MRPS28: variants seen among roughly 807,000 people sequenced by gnomAD.
MRPS28 encodes the protein mitochondrial ribosomal protein S28, also known as small ribosomal subunit protein bS1m.
A neutral mutation model predicts 10.8 loss-of-function variants in MRPS28; 7 were observed. The observed-to-expected ratio is 0.65, with a 90% CI of 0.37 to 1.22. MRPS28 has a LOEUF of 1.22. Among genes scored for constraint, MRPS28 ranks in the 50% most tolerant of loss-of-function variants. MRPS28 has a pLI of 0.02. For missense variants in MRPS28, 265 were observed against 232.9 expected (o/e 1.14, Z -0.90); for synonymous variants, 121 against 93.3 (o/e 1.30, Z -1.71).
At chr8:79,928,628 A>G (rs1285479505) in intron 2 of MRPS28, among the ~76,000 whole-genome samples, 1 of 151,756 alleles carries the variant, frequency 6.6e-6, no homozygotes, top group Non-Finnish European at 1.5e-5. Flanking sequence ...TTTAGTAGAG[A>G]TGAGGTTTCA....
intron 2 of MRPS28, among the ~76,000 whole-genome samples, chr8:79,921,277 T>C (rs528061168): frequency 1.5e-3 from 225 of 152,230 alleles, no homozygotes; most frequent in Non-Finnish European, 2.7e-3. Flanking sequence ...ATGTGGGCTC[T>C]TTTTTGGTTC....
chr8:80,004,048 C>G (rs952438133), intron 1 of MRPS28, among the ~76,000 whole-genome samples: 1 of 152,224 alleles, frequency 6.6e-6, no homozygotes, highest in African/African-American at 2.4e-5. Flanking sequence ...TCTGTAGACT[C>G]CACCTCTGGG....
At chr8:79,935,890 T>C (rs964155408) in intron 2 of MRPS28, among the ~76,000 whole-genome samples, 2 of 151,994 alleles carry the variant, frequency 1.3e-5, no homozygotes, top group Non-Finnish European at 2.9e-5. Context: ...GACAAAGAGA[T>C]GACTAGGAAT....
At chr8:79,981,237 G>C (rs1421171689) in intron 2 of MRPS28, among the ~76,000 whole-genome samples, 2 of 152,114 alleles carry the variant, frequency 1.3e-5, no homozygotes, top group African/African-American at 4.8e-5. Flanking sequence ...GGCTGAGGTG[G>C]GTGAATCGCT....
intron 2 of MRPS28, among the ~76,000 whole-genome samples, chr8:79,948,769 T>G (rs1806999541): frequency 6.6e-6 from 1 of 151,928 alleles, no homozygotes; most frequent in Non-Finnish European, 1.5e-5. Context: ...TACACTGATT[T>G]TTTTTCACAA....
chr8:79,949,145 G>T (rs942051692), intron 2 of MRPS28, among the ~76,000 whole-genome samples: 3 of 152,074 alleles, frequency 2.0e-5, no homozygotes, highest in African/African-American at 7.2e-5. Context: ...GCTCGGTGCC[G>T]TGGCTCACAC....
rs118179102 is a variant in MRPS28 at position 79,953,940 on chromosome 8, A to G, written c.396-34792T>C. Among the ~76,000 whole-genome samples, 1,511 of 152,354 alleles carry G rather than the reference A, an allele frequency of 9.9e-3. 12 individuals carry two copies. Among genetic ancestry groups the G allele is most frequent in the African/African-American group, 0.014 (596 of 41,570 alleles). ...ATTTTAAAATAGACAATAAACATGAAAAGTTCTCAACCTCAAGAAAATACA... is the reference window on the plus strand; with the variant it reads ...ATTTTAAAATAGACAATAAACATGAGAAGTTCTCAACCTCAAGAAAATACA... On this transcript the variant is annotated intron_variant, in intron 2 of 2. Coordinates refer to ENST00000276585, the MANE Select transcript of MRPS28 (RefSeq NM_014018.3).
At position 80,004,821 on chromosome 8, in the gene MRPS28, A is replaced by C. The variant is rs142644612; in HGVS notation, c.214-1641T>G. 1.5e-3 allele frequency among the ~76,000 whole-genome samples: 230 copies of C among 152,374 alleles called. 2 individuals are homozygous for C. Among genetic ancestry groups the C allele is most frequent in the African/African-American group, 5.3e-3 (219 of 41,590 alleles). On this transcript the variant is annotated intron_variant, in intron 1 of 2. Transcript: ENST00000276585. ...CTGATGGAGCTGAAAACCACGGCAC[A>C]AGAACTACGTGACGAATGCACAAGC... is the stretch of plus-strand genomic sequence containing the variant.
At chr8:79,992,949 C>T (rs555765564) in intron 2 of MRPS28, among the ~76,000 whole-genome samples, 1 of 152,132 alleles carries the variant, frequency 6.6e-6, no homozygotes, top group South Asian at 2.1e-4. Context: ...GAGTATTCAA[C>T]AAATGTTAGC....
chr8:79,939,932 T>C (rs537543031), intron 2 of MRPS28, among the ~76,000 whole-genome samples: 1 of 150,304 alleles, frequency 6.7e-6, no homozygotes, highest in African/African-American at 2.5e-5. Flanking sequence ...ATCACGCCAC[T>C]GCACTCCAGC....
intron 1 of MRPS28, among the ~76,000 whole-genome samples, chr8:80,015,094 C>T (rs1262949992): frequency 1.3e-5 from 2 of 152,126 alleles, no homozygotes; most frequent in Admixed American, 1.3e-4. Context: ...GTTAAAAACT[C>T]CAGAGAGACT....
intron 2 of MRPS28, among the ~76,000 whole-genome samples, chr8:79,925,318 T>C (rs1810203971): frequency 6.6e-6 from 1 of 151,850 alleles, no homozygotes; most frequent in African/African-American, 2.4e-5. Context: ...ATAATATGTA[T>C]AACTGGCCCG....
chr8:79,950,455 A>T (rs947320353), intron 2 of MRPS28, among the ~76,000 whole-genome samples: 9 of 152,218 alleles, frequency 5.9e-5, no homozygotes, highest in African/African-American at 2.2e-4. Flanking sequence ...ATTAGGGTAT[A>T]ATTCTCTAGA....
chr8:79,983,570 A>G (rs952900036), intron 2 of MRPS28, among the ~76,000 whole-genome samples: 2 of 152,244 alleles, frequency 1.3e-5, no homozygotes, highest in African/African-American at 4.8e-5. Context: ...AATACAGAGA[A>G]GTGCTTAAAG....
chr8:80,027,071 T>C (rs940280183), intron 1 of MRPS28, among the ~76,000 whole-genome samples: 1 of 152,184 alleles, frequency 6.6e-6, no homozygotes, highest in African/African-American at 2.4e-5. Flanking sequence ...GAGATGAATC[T>C]ACACGGTTTG....
At chr8:79,990,899 G>A (rs1808345554) in intron 2 of MRPS28, among the ~76,000 whole-genome samples, 1 of 151,754 alleles carries the variant, frequency 6.6e-6, no homozygotes, top group Non-Finnish European at 1.5e-5. Flanking sequence ...GCTGAGGTAG[G>A]AGAATTTCTT....
chr8:79,921,926 A>T (rs1219300715), intron 2 of MRPS28, among the ~76,000 whole-genome samples: 1 of 152,188 alleles, frequency 6.6e-6, no homozygotes, highest in African/African-American at 2.4e-5. Context: ...GGTTTGTCAT[A>T]GACAGCTCTT....
At chr8:80,004,610 C>T (rs760022147) in intron 1 of MRPS28, among the ~76,000 whole-genome samples, 26 of 152,166 alleles carry the variant, frequency 1.7e-4, no homozygotes, top group Non-Finnish European at 3.1e-4. Context: ...CAGCTCCTTG[C>T]CAGCAATGGA....
intron 1 of MRPS28, among the ~76,000 whole-genome samples, chr8:80,017,876 T>C (rs1809237326): frequency 6.6e-6 from 1 of 152,020 alleles, no homozygotes; most frequent in Non-Finnish European, 1.5e-5. Context: ...CATATAAAAA[T>C]TATATACCAC....
Sources: gnomAD v4.1 joint callset for allele counts (sites outside exome capture counted in the v4.1 genomes callset) on GRCh38, gnomAD v4.1.1 for gene constraint, MANE v1.5 for transcripts, NCBI Gene and HGNC (gene_info 2026-07-23, HGNC 2026-07-21) for gene names.